The following OR2L13 variants were observed in gnomAD, a reference collection of about 807,000 sequenced individuals.
The protein encoded by OR2L13 is olfactory receptor family 2 subfamily L member 13, also known as olfactory receptor 2L13.
OR2L13 carries 14 observed loss-of-function variants against 15.3 expected under a neutral mutation model. That is an observed-to-expected ratio of 0.91 (90% CI 0.60 to 1.43). The LOEUF is 1.43. OR2L13 is among the 40% of genes most tolerant of loss of function. OR2L13 has a pLI of 0.00. For synonymous variants in OR2L13, 152 were observed against 142.9 expected (o/e 1.06, Z -0.45); for missense variants, 367 against 387.9 (o/e 0.95, Z 0.45).
chr1:248,070,872 C>G, the OR2L13 span, among the ~76,000 whole-genome samples: 1 of 152,176 alleles, frequency 6.6e-6, no homozygotes, highest in Non-Finnish European at 1.5e-5. Context: ...ACTAGAAAAT[C>G]TAGAAGAAAT....
the OR2L13 span, among the ~76,000 whole-genome samples, chr1:248,019,595 GT>G: frequency 2.0e-5 from 3 of 152,124 alleles, no homozygotes; most frequent in Non-Finnish European, 4.4e-5. Flanking sequence ...TAGTTATCCA[GT>G]TTTTCAAACA....
the OR2L13 span, among the ~76,000 whole-genome samples, chr1:248,067,746 G>GA: frequency 3.9e-5 from 6 of 152,230 alleles, no homozygotes. Flanking sequence ...CCTAGTCGAA[G>GA]AAAGGGGTGA....
chr1:247,989,491 A>T, the OR2L13 span, among the ~76,000 whole-genome samples: 2 of 152,166 alleles, frequency 1.3e-5, no homozygotes, highest in Admixed American at 1.3e-4. Flanking sequence ...GGCAGCAAAC[A>T]TTTGTATCCT....
chr1:248,026,712 T>C, the OR2L13 span, among the ~76,000 whole-genome samples: 1 of 152,232 alleles, frequency 6.6e-6, no homozygotes, highest in Non-Finnish European at 1.5e-5. Flanking sequence ...TTCTTACCCC[T>C]GTCTTTACTG....
chr1:248,099,934 G>A, exon 3 of OR2L13: 1 of 1,614,062 alleles, frequency 6.2e-7, no homozygotes, highest in Non-Finnish European at 8.5e-7. Context: ...GTTGCTTCTT[G>A]CCTGTACAGA....
At chr1:247,971,143 A>G in the OR2L13 span, among the ~76,000 whole-genome samples, 1 of 152,218 alleles carries the variant, frequency 6.6e-6, no homozygotes, top group Non-Finnish European at 1.5e-5. Context: ...GTGATCTCCA[A>G]AGATAAAAAA....
chr1:247,938,291 T>C, the OR2L13 span, among the ~76,000 whole-genome samples: 1 of 152,190 alleles, frequency 6.6e-6, no homozygotes, highest in Non-Finnish European at 1.5e-5. Context: ...ACGTTCAAAA[T>C]TGACTGGAAG....
chr1:248,091,154 T>C (rs1218314519), upstream of OR2L13, among the ~76,000 whole-genome samples: 3 of 152,146 alleles, frequency 2.0e-5, no homozygotes, highest in East Asian at 5.8e-4. Flanking sequence ...GCTTGATTTG[T>C]TTAAATTTCT....
upstream of OR2L13, among the ~76,000 whole-genome samples, chr1:248,096,509 G>A (rs765964826): frequency 8.5e-5 from 13 of 152,172 alleles, no homozygotes; most frequent in Admixed American, 2.0e-4. Flanking sequence ...TTCTCAGGGC[G>A]TGAGGGCTCT....
chr1:248,080,470 C>T, the OR2L13 span, among the ~76,000 whole-genome samples: 5 of 152,100 alleles, frequency 3.3e-5, no homozygotes, highest in African/African-American at 4.8e-5. Flanking sequence ...ATGTTCCCCT[C>T]CATGTGTCCA....
At chr1:247,985,003 A>T in the OR2L13 span, among the ~76,000 whole-genome samples, 3 of 152,126 alleles carry the variant, frequency 2.0e-5, no homozygotes. Context: ...TTCATGGCTT[A>T]TTTCACTGAG....
chr1:248,083,704 C>T, the OR2L13 span: 1 of 1,611,708 alleles, frequency 6.2e-7, no homozygotes, highest in Non-Finnish European at 8.5e-7. Context: ...CGTTTCAGGG[C>T]TTCCTTGACC....
the OR2L13 span, among the ~76,000 whole-genome samples, chr1:247,999,563 A>G: frequency 1.3e-5 from 2 of 152,196 alleles, no homozygotes; most frequent in African/African-American, 4.8e-5. Flanking sequence ...TTCCTATGTC[A>G]GTTACCTACA....
the OR2L13 span, among the ~76,000 whole-genome samples, chr1:247,961,345 A>T: frequency 6.6e-6 from 1 of 152,156 alleles, no homozygotes; most frequent in Non-Finnish European, 1.5e-5. Flanking sequence ...GTAAGAAGAT[A>T]GTATTGAGAA....
chr1:248,050,765 A>G, the OR2L13 span, among the ~76,000 whole-genome samples: 33 of 152,318 alleles, frequency 2.2e-4, no homozygotes, highest in Non-Finnish European at 2.1e-4. Flanking sequence ...TAATTATACT[A>G]GTAATATAAA....
At chr1:248,089,921 T>C in the OR2L13 span, among the ~76,000 whole-genome samples, 1 of 152,192 alleles carries the variant, frequency 6.6e-6, no homozygotes, top group Non-Finnish European at 1.5e-5. Flanking sequence ...AATTTTTGAA[T>C]CTCCCTATGA....
At chr1:247,949,183 C>T in the OR2L13 span, 3 of 1,614,168 alleles carry the variant, frequency 1.9e-6, no homozygotes, top group Non-Finnish European at 2.5e-6. Flanking sequence ...TTAGGAGGTG[C>T]AGAAGCACTA....
At chr1:248,031,680 G>T in the OR2L13 span, among the ~76,000 whole-genome samples, 5 of 152,172 alleles carry the variant, frequency 3.3e-5, no homozygotes, top group Admixed American at 1.3e-4. Flanking sequence ...TTTCTTCAAG[G>T]TTCCTTCTCT....
chr1:247,958,600 G>A, the OR2L13 span, among the ~76,000 whole-genome samples: 4 of 152,130 alleles, frequency 2.6e-5, no homozygotes, highest in African/African-American at 9.7e-5. Context: ...GGTCTCTACG[G>A]ACTTGCTTTA....
Sources: gnomAD v4.1 joint callset for allele counts (sites outside exome capture counted in the v4.1 genomes callset) on GRCh38, gnomAD v4.1.1 for gene constraint, MANE v1.5 for transcripts, NCBI Gene and HGNC (gene_info 2026-07-23, HGNC 2026-07-21) for gene names.